The following RUNX2 variants were observed in gnomAD, a reference collection of about 807,000 sequenced individuals.
The protein encoded by RUNX2 is runt-related transcription factor 2.
Under a neutral mutation model 51.7 loss-of-function variants are expected in RUNX2, and 10 were observed. The observed-to-expected ratio is 0.19, with a 90% CI of 0.12 to 0.33. The LOEUF is 0.33. Ranked by LOEUF, RUNX2 falls within the 10% of genes least tolerant of loss-of-function variation. RUNX2 has a pLI of 1.00. For synonymous variants in RUNX2, 276 were observed against 273.6 expected (o/e 1.01, Z -0.09); for missense variants, 562 against 691.3 (o/e 0.81, Z 2.10).
chr6:45,546,572 A>C (rs1166161418), intron 8 of RUNX2, among the ~76,000 whole-genome samples: 1 of 152,122 alleles, frequency 6.6e-6, no homozygotes, highest in Non-Finnish European at 1.5e-5. Context: ...TTACACATTG[A>C]CCTGGCACAC....
chr6:45,344,533 C>G (rs1278927472), intron 2 of RUNX2, among the ~76,000 whole-genome samples: 14 of 151,856 alleles, frequency 9.2e-5, no homozygotes, highest in Admixed American at 9.2e-4. Flanking sequence ...ACGTCTAGAA[C>G]AGTAACATTA....
intron 5 of RUNX2, among the ~76,000 whole-genome samples, chr6:45,478,624 CTAATTGTGTG>C (rs1800025105): frequency 6.8e-6 from 1 of 147,712 alleles, no homozygotes; most frequent in African/African-American, 2.5e-5. Flanking sequence ...ATTAAGTTCA[CTAATTGTGTG>C]TAAATGTGTG....
chr6:45,437,021 G>T (rs1309171426), intron 4 of RUNX2, among the ~76,000 whole-genome samples: 3 of 152,170 alleles, frequency 2.0e-5, no homozygotes, highest in Non-Finnish European at 4.4e-5. Context: ...TATCTGACAT[G>T]ATTAACCGTT....
chr6:45,546,834 A>T lies in RUNX2; in HGVS notation c.1095A>T (p.Ser365=), dbSNP rs770417240. The T allele has an allele frequency of 6.2e-7, 1 of 1,613,708 alleles. No homozygotes were observed. Among genetic ancestry groups the T allele is most frequent in the Admixed American group, 1.7e-5 (1 of 60,020 alleles). ...TLSKKSQAGA[S]ELGPFSDPRQ... is the part of the protein sequence containing the mutation. ...TTCTGTTATAATTTTTAGGTGCTTCAGAACTGGGCCCTTTTTCAGACCCCA... is the reference window on the plus strand; with the variant it reads ...TTCTGTTATAATTTTTAGGTGCTTCTGAACTGGGCCCTTTTTCAGACCCCA... Residue 365 remains serine (S), a synonymous_variant, in exon 9 of 9, where the codon TCA becomes TCT. Coordinates refer to ENST00000647337, the MANE Select transcript of RUNX2 (RefSeq NM_001024630.4).
At position 45,328,570 on chromosome 6, in the gene RUNX2, TTTC is replaced by T. The variant is rs1403319687; in HGVS notation, c.-66-88_-66-86del. 3.2e-6 allele frequency: 5 copies of T among 1,580,222 alleles called. No individual in the cohort carries two copies. In the African/African-American group the frequency reaches 4.1e-5, roughly 13 times the overall value. The stretch of plus-strand genomic sequence containing the variant: ...TTTTCACATGTTACCAGCTACATAA[TTTC>T]TTGACAGAAAAAAATAAATATAAAG... On this transcript the variant is annotated intron_variant, in intron 1 of 8. Transcript: ENST00000647337.
intron 7 of RUNX2, among the ~76,000 whole-genome samples, chr6:45,536,478 C>T (rs1802037901): frequency 2.0e-5 from 3 of 152,308 alleles, no homozygotes; most frequent in South Asian, 4.1e-4. Context: ...TCAGGCAATT[C>T]GAGCCACGTG....
chr6:45,525,457 G>A (rs1355180946), intron 7 of RUNX2, among the ~76,000 whole-genome samples: 3 of 152,226 alleles, frequency 2.0e-5, no homozygotes, highest in Non-Finnish European at 4.4e-5. Flanking sequence ...ATCGTTGACA[G>A]TGTATTGGAA....
intron 2 of RUNX2, among the ~76,000 whole-genome samples, chr6:45,414,311 A>C (rs1798016077): frequency 6.6e-6 from 1 of 152,174 alleles, no homozygotes. Flanking sequence ...TAGCCAAGCC[A>C]ACTTCACTTC....
At chr6:45,399,519 C>A (rs551617043) in intron 2 of RUNX2, among the ~76,000 whole-genome samples, 77 of 151,482 alleles carry the variant, frequency 5.1e-4, no homozygotes, top group Non-Finnish European at 9.9e-4. Context: ...ACCACCACGC[C>A]CAGCTAATTT....
intron 5 of RUNX2, among the ~76,000 whole-genome samples, chr6:45,469,328 GA>G (rs1481765925): frequency 6.6e-6 from 1 of 152,088 alleles, no homozygotes; most frequent in Non-Finnish European, 1.5e-5. Context: ...AATTTTAAAA[GA>G]ATATTTGTAA....
intron 1 of RUNX2, 25 bp from the exon 2 acceptor site, chr6:45,328,636 G>A: frequency 6.2e-7 from 1 of 1,609,932 alleles, no homozygotes; most frequent in East Asian, 2.2e-5. Context: ...CTAAAACAAG[G>A]TTTGGGTATG....
chr6:45,449,868 C>CT (rs1194611025), intron 5 of RUNX2, among the ~76,000 whole-genome samples: 1 of 152,120 alleles, frequency 6.6e-6, no homozygotes, highest in East Asian at 1.9e-4. Context: ...AAAAAATTAA[C>CT]TTTAAAAAAT....
intron 7 of RUNX2, among the ~76,000 whole-genome samples, chr6:45,538,482 C>A (rs1802109325): frequency 6.6e-6 from 1 of 152,064 alleles, no homozygotes; most frequent in Non-Finnish European, 1.5e-5. Context: ...TTACCAATAT[C>A]TAAGCTGTTA....
chr6:45,377,011 G>A (rs1198260496), intron 2 of RUNX2, among the ~76,000 whole-genome samples: 2 of 152,042 alleles, frequency 1.3e-5, no homozygotes, highest in African/African-American at 4.8e-5. Flanking sequence ...GTCCAGGATC[G>A]TCTGAGTGTC....
In RUNX2 at chr6:45,481,358, C is replaced by T. The variant is rs184259267; in HGVS notation, c.686-10583C>T. Among the ~76,000 whole-genome samples, 421 of 152,124 alleles carry T rather than the reference C, an allele frequency of 2.8e-3. 1 individual carries two copies. The highest frequency in any genetic ancestry group is 9.6e-3 in the African/African-American group (400 of 41,506). On this transcript the variant is annotated intron_variant, in intron 5 of 8. Transcript: ENST00000647337. Reference sequence around the variant, plus strand: ...CTATTTCCATTGCTAAAAATGTTACCGCTAAAAAAATCTTTGCATCTCTCA... The same window carrying T: ...CTATTTCCATTGCTAAAAATGTTACTGCTAAAAAAATCTTTGCATCTCTCA...
At chr6:45,509,501 A>G (rs114723196) in intron 6 of RUNX2, among the ~76,000 whole-genome samples, 2,487 of 152,268 alleles carry the variant, frequency 0.016, 72 homozygotes, top group African/African-American at 0.057. Context: ...CACAGCAGGG[A>G]GGTTTAACTG....
intron 7 of RUNX2, among the ~76,000 whole-genome samples, chr6:45,539,717 C>A (rs1582223337): frequency 6.6e-6 from 1 of 152,128 alleles, no homozygotes; most frequent in Non-Finnish European, 1.5e-5. Context: ...TGTTTGCCTC[C>A]TTGAGACTTT....
At chr6:45,506,959 G>C (rs1303070956) in intron 6 of RUNX2, among the ~76,000 whole-genome samples, 2 of 150,836 alleles carry the variant, frequency 1.3e-5, no homozygotes, top group Non-Finnish European at 2.9e-5. Flanking sequence ...CCTGGCAACA[G>C]TTTTCTTTCC....
intron 7 of RUNX2, among the ~76,000 whole-genome samples, chr6:45,531,343 TA>T (rs1225040012): frequency 6.6e-6 from 1 of 152,076 alleles, no homozygotes; most frequent in Non-Finnish European, 1.5e-5. Context: ...GAACCCAAAA[TA>T]AAGTAAAATG....
Sources: gnomAD v4.1 joint callset for allele counts (sites outside exome capture counted in the v4.1 genomes callset) on GRCh38, gnomAD v4.1.1 for gene constraint, MANE v1.5 for transcripts, NCBI Gene and HGNC (gene_info 2026-07-23, HGNC 2026-07-21) for gene names.